Variants in SLX4 observed in about 807,000 individuals in gnomAD.
SLX4 encodes the protein SLX4 structure-specific endonuclease subunit.
In SLX4, 112 loss-of-function variants were observed where a neutral mutation model predicts 146.2. The ratio of observed to expected loss-of-function variants is 0.77; its 90% CI spans 0.66 to 0.90. The LOEUF is 0.90. Among genes scored for constraint, SLX4 ranks in the 40% least tolerant of loss-of-function variants. The pLI, the probability that SLX4 is intolerant of heterozygous loss-of-function variation, is 0.00. For synonymous variants in SLX4, 1,061 were observed against 997.7 expected, an observed-to-expected ratio of 1.06 and a Z score of -1.20; for missense variants, 2,563 against 2,392.7, an observed-to-expected ratio of 1.07 and a Z score of -1.49.
In SLX4 at chr16:3,606,568, C is replaced by A. The variant is rs1230371509; in HGVS notation, c.666G>T (p.Glu222Asp). The change falls in exon 3 of 15, where the codon GAG becomes GAT. Residue 222 changes from glutamate to aspartate, a missense_variant. Transcript: ENST00000294008. ...RMQQFKRADP[E>D]RLRHASEECS... Reference sequence around the variant, plus strand: ...ACTCTTCTGAAGCGTGTCTCAAACGCTCGGGGTCTGCTCTCTTGAACTGCT... The same window carrying A: ...ACTCTTCTGAAGCGTGTCTCAAACGATCGGGGTCTGCTCTCTTGAACTGCT... 3 of 1,614,182 alleles carry A rather than the reference C, an allele frequency of 1.9e-6. No homozygotes were observed. Among genetic ancestry groups the A allele is most frequent in the Non-Finnish European group, 2.5e-6 (3 of 1,180,030 alleles).
chr16:3,608,337 A>C, intron 2 of SLX4, 93 bp downstream of exon 2: 1 of 1,309,262 alleles, frequency 7.6e-7, no homozygotes, highest in Non-Finnish European at 1.1e-6. Flanking sequence ...AGTAGTTGTG[A>C]CAGAGTCTGT....
At chr16:3,593,007 T>G in intron 10 of SLX4, 142 bp from the exon 11 acceptor site, 3 of 786,032 alleles carry the variant, frequency 3.8e-6, no homozygotes. Flanking sequence ...TCACCCAGGC[T>G]AGAGTACAGT....
At chr16:3,593,196 C>A (rs766685826) in intron 10 of SLX4, among the ~76,000 whole-genome samples, 2 of 152,138 alleles carry the variant, frequency 1.3e-5, no homozygotes, top group South Asian at 2.1e-4. Flanking sequence ...CTCAGCCTCC[C>A]GAGTAGCTGG....
At position 3,606,369 on chromosome 16, in the gene SLX4, C is replaced by G. The variant is rs566953560; in HGVS notation, c.760+105G>C. 5.7e-6 allele frequency: 7 copies of G among 1,222,062 alleles called. No homozygotes were observed. The East Asian group carries it at 1.6e-4, about 28-fold the overall frequency. 75.7% of individuals were successfully genotyped at this position (1,222,062 alleles called of 1,614,324 possible). A position where few individuals can be genotyped will look rare whatever the true frequency, so the allele number is the denominator to read the frequency against. ...AAAGGTAAAACATCAAGCAGAGAGC[C>G]TATCCACAGAAGAAACTCAACAAAT... On this transcript the variant is annotated intron_variant, in intron 3 of 14. Coordinates refer to ENST00000294008, the MANE Select transcript of SLX4 (RefSeq NM_032444.4).
rs2151121158 is a variant in SLX4, at chr16:3,589,162, G to A, written c.4476C>T (p.Ser1492=). The A allele has an allele frequency of 6.2e-7, 1 of 1,614,168 alleles. No individual in the cohort carries two copies. The highest frequency in any genetic ancestry group is 8.5e-7 in the Non-Finnish European group (1 of 1,180,024). ...TATTCCCCAGGGAGCCCGCGCCCGA[G>A]GACTTCTCTTGCAATTTCCTCTGGG... ...CTTQRKLQEK[S]SGAGSLGNSR... is the part of the protein sequence containing the mutation. Residue 1492 remains serine, a synonymous_variant, in exon 12 of 15, where the codon TCC becomes TCT. Coordinates refer to ENST00000294008, the MANE Select transcript of SLX4 (RefSeq NM_032444.4). The surrounding 1 kb of genome is among the most constrained non-coding windows in gnomAD (Gnocchi z 6.2).
rs2040500034 is a variant in SLX4 at position 3,585,644 on chromosome 16, A to G, written c.4637-773T>C. ...ACAGACATTTCTCCAGAGAAGATCT[A>G]CAAATGGCCAATAAGCACATGAAAA... On this transcript the variant is annotated intron_variant, in intron 12 of 14. Coordinates refer to ENST00000294008, the MANE Select transcript of SLX4 (RefSeq NM_032444.4). 2.0e-5 allele frequency among the ~76,000 whole-genome samples: 3 copies of G among 151,404 alleles called. No homozygotes were observed. The South Asian group carries it at 6.3e-4, about 32-fold the overall frequency.
chr16:3,589,052 T>C lies in SLX4; in HGVS notation c.4586A>G (p.Gln1529Arg), dbSNP rs2151120875. The C allele has an allele frequency of 6.2e-7, 1 of 1,614,176 alleles. No homozygotes were observed. The change falls in exon 12 of 15, where the codon CAG becomes CGG. Residue 1529 changes from glutamine to arginine, a missense_variant. By Grantham distance (43) the Gln-to-Arg change is conservative (BLOSUM62 1). Transcript: ENST00000294008. The surrounding 1 kb of genome is among the most constrained non-coding windows in gnomAD (Gnocchi z 6.2). ...CTGAGCTCCACCAGCGCTTGGCATC[T>C]GGGCCGGAGGAGGGGTCTCTGGAGG... Reference protein sequence around the residue: ...QRPPETPPPAQMPSAGGAQKP... With the variant: ...QRPPETPPPARMPSAGGAQKP...
chr16:3,594,402 GGAGAGAGGGA>G, intron 10 of SLX4, 41 bp downstream of exon 10: 1 of 1,580,624 alleles, frequency 6.3e-7, no homozygotes. Context: ...AAAGGCAGGA[GGAGAGAGGGA>G]GAGAGAGGAA....
Position 3,590,701 on chromosome 16 carries a change from A to T in SLX4, c.2937T>A (p.Asp979Glu). ...AGAAGAGCTGTTCGTAATCCCCGGC[A>T]TCATCTGAGTGCGGAAGAGAGCCTT... ...RKEGSLPHSD[D>E]AGDYEQLFSS... The change falls in exon 12 of 15, where the codon GAT (aspartate) becomes GAA (glutamate). Residue 979 changes from aspartate to glutamate, a missense_variant. Asp to Glu is a conservative substitution (Grantham distance 45). Coordinates refer to ENST00000294008, the MANE Select transcript of SLX4 (RefSeq NM_032444.4). This position sits in a 1 kb window ranked among gnomAD's most constrained non-coding sequence, Gnocchi z 4.8. 1 of 1,614,128 alleles carries T rather than the reference A, an allele frequency of 6.2e-7. No homozygotes were observed. The highest frequency in any genetic ancestry group is 8.5e-7 in the Non-Finnish European group (1 of 1,180,034).
At position 3,597,379 on chromosome 16, in the gene SLX4, C is replaced by T. The variant is rs1428993717; in HGVS notation, c.1683G>A (p.Gln561=). 3 of 1,560,816 alleles carry T rather than the reference C, an allele frequency of 1.9e-6. No individual in the cohort carries two copies. The highest frequency in any genetic ancestry group is 1.3e-5 in the African/African-American group (1 of 74,158). The change falls in exon 7 of 15, where the codon CAG becomes CAA. Residue 561 remains glutamine, a splice_region_variant and synonymous_variant. Coordinates refer to ENST00000294008, the MANE Select transcript of SLX4 (RefSeq NM_032444.4). This position sits in a 1 kb window ranked among gnomAD's most constrained non-coding sequence, Gnocchi z 4.4. Reference sequence around the variant, plus strand: ...CATGTGCCTGAGGGGAGGGACTCACCTGGGCAGGCCGCTGGGGCACGAGAG... The same window carrying T: ...CATGTGCCTGAGGGGAGGGACTCACTTGGGCAGGCCGCTGGGGCACGAGAG... ...VPPLVPQRPA[Q]GLMQEPVPPL...
At chr16:3,605,770 A>G (rs2040774746) in intron 3 of SLX4, among the ~76,000 whole-genome samples, 1 of 151,220 alleles carries the variant, frequency 6.6e-6, no homozygotes, top group Non-Finnish European at 1.5e-5. Flanking sequence ...ACAAGGTGAA[A>G]CCTTGTCTCT....
intron 3 of SLX4, among the ~76,000 whole-genome samples, chr16:3,604,862 G>A (rs2040766122): frequency 6.7e-6 from 1 of 150,092 alleles, no homozygotes; most frequent in Non-Finnish European, 1.5e-5. Context: ...ATAAACAAAT[G>A]GCCAAATGTT....
intron 10 of SLX4, among the ~76,000 whole-genome samples, chr16:3,594,173 T>C (rs77679067): frequency 6.6e-6 from 1 of 152,150 alleles, no homozygotes; most frequent in Non-Finnish European, 1.5e-5. Flanking sequence ...GGCCAAACAA[T>C]GGATTTTCAT....
chr16:3,590,932 C>A lies in SLX4; in HGVS notation c.2706G>T (p.Lys902Asn), dbSNP rs764936885. The A allele has an allele frequency of 1.5e-5, 25 of 1,614,084 alleles. No homozygotes were observed. The highest frequency in any genetic ancestry group is 3.3e-5 in the Admixed American group (2 of 60,006). Reference sequence around the variant, plus strand: ...GCTCCAACGGCTCCATCTCCTCCACCTTGTCCCACTGTTTCTGCACCTGGA... The same window carrying A: ...GCTCCAACGGCTCCATCTCCTCCACATTGTCCCACTGTTTCTGCACCTGGA... ...AGVQVQKQWD[K>N]VEEMEPLEPG... Residue 902 changes from lysine (K) to asparagine (N), a missense_variant, in exon 12 of 15, where the codon AAG (lysine) becomes AAT (asparagine). Transcript: ENST00000294008. The surrounding 1 kb of genome is among the most constrained non-coding windows in gnomAD (Gnocchi z 4.8).
rs1006155404 is a variant in SLX4 at position 3,609,541 on chromosome 16, C to T, written c.-577G>A. On this transcript the variant is annotated 5_prime_UTR_variant, in exon 2 of 15. It removes an upstream start codon present in the reference 5' UTR. Transcript: ENST00000294008. ...CTCCAAGATCTCCATGATGATGAAA[C>T]ATATATGGTTCACTTAATTACACAT... The T allele has an allele frequency of 1.9e-5, 3 of 154,386 alleles. No homozygotes were observed. The highest frequency in any genetic ancestry group is 4.3e-5 in the Non-Finnish European group (3 of 69,450). 9.6% of individuals were successfully genotyped at this position (154,386 alleles called of 1,614,324 possible).
intron 3 of SLX4, 117 bp from the exon 4 acceptor site, chr16:3,602,424 G>A: frequency 8.3e-7 from 1 of 1,208,176 alleles, no homozygotes; most frequent in Non-Finnish European, 1.2e-6. Context: ...AAAGAAACCA[G>A]AACCCAGCTC....
At chr16:3,602,390 G>C (rs2040738216) in intron 3 of SLX4, 83 bp from the exon 4 acceptor site, 2 of 1,514,114 alleles carry the variant, frequency 1.3e-6, no homozygotes, top group Non-Finnish European at 1.8e-6. Flanking sequence ...AGCTCCTGCA[G>C]ACCATGGGGA....
chr16:3,590,496 A>G lies in SLX4; in HGVS notation c.3142T>C (p.Ser1048Pro), dbSNP rs774813757. 6.2e-7 allele frequency: 1 copy of G among 1,613,600 alleles called. No individual in the cohort carries two copies. The change falls in exon 12 of 15, where the codon TCT (serine) becomes CCT (proline). Residue 1048 changes from serine (S) to proline (P), a missense_variant. Coordinates refer to ENST00000294008, the MANE Select transcript of SLX4 (RefSeq NM_032444.4). The surrounding 1 kb of genome is among the most constrained non-coding windows in gnomAD (Gnocchi z 4.8). ...GPPQGGSPRG[S>P]HHTSGSSLST... ...AGGGACGACCCACTTGTGTGATGAG[A>G]CCCGCGGGGACTCCCGCCCTGGGGA...
rs8061528 is a variant in SLX4, at chr16:3,606,481, C to T, written c.753G>A (p.Ala251=). The T allele has an allele frequency of 0.21, 338,440 of 1,613,518 alleles. 36,273 individuals are homozygous for T. The highest frequency in any genetic ancestry group is 0.33 in the East Asian group (14,690 of 44,872). ...GAAACACACTCATCATACCATTCCC[C>T]GCCATCATCTCCTCTTGAGGATCCT... ...VPKDPQEEMM[A]GNVYGLGPPA... Residue 251 remains alanine (A), a synonymous_variant, in exon 3 of 15, where the codon GCG becomes GCA. Transcript: ENST00000294008.
Sources: gnomAD v4.1 joint callset for allele counts (sites outside exome capture counted in the v4.1 genomes callset) on GRCh38, gnomAD v4.1.1 for gene constraint, Gnocchi (gnomAD v3.1) non-coding constraint, MANE v1.5 for transcripts, NCBI Gene and HGNC (gene_info 2026-07-23, HGNC 2026-07-21) for gene names.